The following PLA2G4C variants were observed in gnomAD, a reference collection of about 807,000 sequenced individuals.
PLA2G4C encodes the protein cytosolic phospholipase A2 gamma.
A neutral mutation model predicts 73.8 loss-of-function variants in PLA2G4C; 64 were observed. The ratio of observed to expected loss-of-function variants is 0.87; its 90% CI spans 0.71 to 1.07. The LOEUF is 1.07. PLA2G4C is among the 50% of genes least tolerant of loss of function. PLA2G4C has a pLI of 0.00. For synonymous variants in PLA2G4C, 254 were observed against 252.1 expected, an observed-to-expected ratio of 1.01 and a Z score of -0.07; for missense variants, 622 against 665.4, an observed-to-expected ratio of 0.93 and a Z score of 0.72.
intron 4 of PLA2G4C, among the ~76,000 whole-genome samples, chr19:48,103,641 C>T (rs1442815352): frequency 6.6e-6 from 1 of 152,196 alleles, no homozygotes; most frequent in Non-Finnish European, 1.5e-5. Flanking sequence ...GTGTTTCATA[C>T]CTGCCATCTG....
At position 48,074,794 on chromosome 19, in the gene PLA2G4C, G is replaced by C; in HGVS notation, c.979C>G (p.Gln327Glu). ...WTRTSLEKQE[Q>E]PHEDPERKGS... ...TTCCTTTCGGGGTCCTCATGGGGCT[G>C]CTCCTGCTTTTCCAGGGAGGTCCTG... Residue 327 changes from glutamine (Q) to glutamate (E), a missense_variant, in exon 12 of 17, where the codon CAG (glutamine) becomes GAG (glutamate). By Grantham distance (29) the Gln-to-Glu change is conservative (BLOSUM62 2). Coordinates refer to ENST00000599921, the MANE Select transcript of PLA2G4C (RefSeq NM_003706.3). 1 of 1,613,408 alleles carries C rather than the reference G, an allele frequency of 6.2e-7. No individual in the cohort carries two copies. Among genetic ancestry groups the C allele is most frequent in the Non-Finnish European group, 8.5e-7 (1 of 1,179,456 alleles).
chr19:48,065,118 G>C (rs999814529), intron 13 of PLA2G4C, among the ~76,000 whole-genome samples: 2 of 152,142 alleles, frequency 1.3e-5, no homozygotes, highest in Admixed American at 1.3e-4. Flanking sequence ...GAGATCCTGA[G>C]AACATGTGGC....
Position 48,099,782 on chromosome 19 carries a change from C to T in PLA2G4C, c.336G>A (p.Gln112=), listed in dbSNP as rs371011691. The T allele has an allele frequency of 1.4e-5, 22 of 1,613,920 alleles. No homozygotes were observed. The highest frequency in any genetic ancestry group is 1.6e-4 in the Middle Eastern group (1 of 6,062). The change falls in exon 5 of 17, where the codon CAG becomes CAA. Residue 112 remains glutamine, a synonymous_variant. Coordinates refer to ENST00000599921, the MANE Select transcript of PLA2G4C (RefSeq NM_003706.3). ...EADLKHRFTR[Q]EWDLAKSLQK... ...GTAGGCTCTTAGCCAAGTCCCACTC[C>T]TGTCGGGTAAATCGATGTTTCAGGT...
chr19:48,049,416 C>T (rs1368959174), intron 16 of PLA2G4C, among the ~76,000 whole-genome samples: 2 of 152,142 alleles, frequency 1.3e-5, no homozygotes, highest in South Asian at 4.1e-4. Context: ...CTCCTCAGCA[C>T]ACCGCACGTT....
At chr19:48,062,955 T>C (rs1341174431) in intron 13 of PLA2G4C, among the ~76,000 whole-genome samples, 3 of 152,154 alleles carry the variant, frequency 2.0e-5, no homozygotes, top group African/African-American at 7.2e-5. Context: ...TGTCAATATA[T>C]GTAAGATGAA....
intron 16 of PLA2G4C, among the ~76,000 whole-genome samples, chr19:48,051,252 G>A (rs969174408): frequency 5.3e-5 from 8 of 152,200 alleles, no homozygotes; most frequent in African/African-American, 4.8e-5. Context: ...AGTTGGCCCT[G>A]CTAACGCTTT....
At chr19:48,062,604 T>C (rs1968233302) in intron 13 of PLA2G4C, among the ~76,000 whole-genome samples, 1 of 152,058 alleles carries the variant, frequency 6.6e-6, no homozygotes, top group South Asian at 2.1e-4. Context: ...AGCGAGACTC[T>C]ATCTCAAATA....
In PLA2G4C at chr19:48,098,165, G is replaced by T. The variant is rs146484159; in HGVS notation, c.542C>A (p.Pro181His). ...TGGTGCTCTTGCCTCCTGCCAGGAA[G>T]GTTGCAGGTCATTGTCAATGGCTGC... ...IFAAIDNDLQ[P>H]SWQEARAPET... The change falls in exon 6 of 17, where the codon CCT becomes CAT. Residue 181 changes from proline to histidine, a missense_variant. By Grantham distance (77) the Pro-to-His change is moderately conservative. Coordinates refer to ENST00000599921, the MANE Select transcript of PLA2G4C (RefSeq NM_003706.3). 35 of 1,613,676 alleles carry T rather than the reference G, an allele frequency of 2.2e-5. No individual in the cohort carries two copies. The African/African-American group carries it at 3.7e-4, about 17-fold the overall frequency.
At chr19:48,051,762 C>T (rs1017155743) in intron 16 of PLA2G4C, 1 of 151,694 alleles carries the variant, frequency 6.6e-6, no homozygotes, top group Non-Finnish European at 1.5e-5. Flanking sequence ...CAAACCATAT[C>T]GATAGAGTAA....
intron 10 of PLA2G4C, among the ~76,000 whole-genome samples, chr19:48,079,168 A>G (rs1185855509): frequency 1.3e-5 from 2 of 152,162 alleles, no homozygotes; most frequent in Non-Finnish European, 2.9e-5. Context: ...ATGCCCAGCC[A>G]CAATCCCAAA....
At chr19:48,078,286 A>C (rs1319382260) in intron 10 of PLA2G4C, among the ~76,000 whole-genome samples, 1 of 152,188 alleles carries the variant, frequency 6.6e-6, no homozygotes, top group East Asian at 1.9e-4. Flanking sequence ...AGTTTAAAGC[A>C]TTCCCCCTGA....
At chr19:48,107,833 A>G (rs1003039111) in intron 1 of PLA2G4C, among the ~76,000 whole-genome samples, 1 of 152,232 alleles carries the variant, frequency 6.6e-6, no homozygotes, top group Non-Finnish European at 1.5e-5. Flanking sequence ...TTAAAATATT[A>G]AAGTCTTTGA....
At chr19:48,061,686 C>G in intron 14 of PLA2G4C, 1 of 333,444 alleles carries the variant, frequency 3.0e-6, no homozygotes, top group South Asian at 2.9e-5. Context: ...AGGAGGTGCA[C>G]AGGTGAGGAG....
intron 7 of PLA2G4C, among the ~76,000 whole-genome samples, chr19:48,090,867 T>C (rs2122630813): frequency 6.6e-6 from 1 of 152,232 alleles, no homozygotes; most frequent in Admixed American, 6.5e-5. Context: ...AGGCCAGGTA[T>C]GGTGGCATGC....
At chr19:48,054,776 C>T (rs1967868981) in intron 15 of PLA2G4C, 102 bp downstream of exon 15, 21 of 1,143,168 alleles carry the variant, frequency 1.8e-5, no homozygotes, top group Non-Finnish European at 2.7e-5. Context: ...TCAATTAAAC[C>T]TTCTTCCTTT....
Position 48,099,754 on chromosome 19 carries a change from T to A in PLA2G4C, c.364A>T (p.Lys122Ter), listed in dbSNP as rs1384173865. 1 of 1,614,132 alleles carries A rather than the reference T, an allele frequency of 6.2e-7. No individual in the cohort carries two copies. The highest frequency in any genetic ancestry group is 8.5e-7 in the Non-Finnish European group (1 of 1,179,994). Residue 122 changes from lysine (K) to a stop codon, truncating the protein, a stop_gained, in exon 5 of 17, where the codon AAA (lysine) becomes TAA (stop). Transcript: ENST00000599921. LOFTEE classifies it high-confidence loss of function. ...TCAGACCTCGCTGCTTGGATGGTTT[T>A]CTGTAGGCTCTTAGCCAAGTCCCAC... ...QEWDLAKSLQ[K>*]TIQAARSENY... is the part of the protein sequence containing the mutation.
At chr19:48,102,032 G>A (rs551751385) in intron 4 of PLA2G4C, among the ~76,000 whole-genome samples, 59 of 152,052 alleles carry the variant, frequency 3.9e-4, no homozygotes, top group African/African-American at 1.3e-3. Context: ...AGTATAAAAC[G>A]CCCAGCAGCT....
intron 13 of PLA2G4C, chr19:48,062,373 G>A (rs189483285): frequency 2.8e-5 from 11 of 398,338 alleles, no homozygotes; most frequent in East Asian, 2.3e-4. Context: ...CACTTTGGGG[G>A]CTGAGGCAGG....
At position 48,055,048 on chromosome 19, in the gene PLA2G4C, G is replaced by A; in HGVS notation, c.1259C>T (p.Thr420Ile). Residue 420 changes from threonine to isoleucine, a missense_variant and splice_region_variant, in exon 15 of 17, where the codon ACC (threonine) becomes ATC (isoleucine). By Grantham distance (89) the Thr-to-Ile change is moderately conservative (BLOSUM62 -1). Coordinates refer to ENST00000599921, the MANE Select transcript of PLA2G4C (RefSeq NM_003706.3). ...GCAGTAGTCAGTGGTAGCCCGGATG[G>A]TCTGAGAAGGAGGCAATAAGAAATG... ...FDFSAGDPFETIRATTDYCRR... is the reference protein window; with the variant it reads ...FDFSAGDPFEIIRATTDYCRR... 1 of 1,600,464 alleles carries A rather than the reference G, an allele frequency of 6.2e-7. No individual in the cohort carries two copies. Among genetic ancestry groups the A allele is most frequent in the Non-Finnish European group, 8.5e-7 (1 of 1,174,056 alleles).
Sources: allele counts gnomAD v4.1 joint callset (sites outside exome capture counted in the v4.1 genomes callset), GRCh38; gene constraint gnomAD v4.1.1; transcripts MANE v1.5; gene names NCBI Gene and HGNC (gene_info 2026-07-23, HGNC 2026-07-21).